COQ9: variants seen among roughly 807,000 people sequenced by gnomAD.
COQ9 encodes the protein coenzyme Q9.
Under a neutral mutation model 42.4 loss-of-function variants are expected in COQ9, and 35 were observed. That is an observed-to-expected ratio of 0.83 (90% CI 0.63 to 1.10). The LOEUF (loss-of-function observed/expected upper bound fraction) is 1.10. Ranked by LOEUF, COQ9 falls within the 50% of genes least tolerant of loss-of-function variation. COQ9 has a pLI of 0.00. For synonymous variants in COQ9, 155 were observed against 155.1 expected, an observed-to-expected ratio of 1.00 and a Z score of 0.00; for missense variants, 406 against 414.6, an observed-to-expected ratio of 0.98 and a Z score of 0.18.
At chr16:57,456,434 T>A in intron 3 of COQ9, 70 bp from the exon 4 acceptor site, 1 of 1,555,240 alleles carries the variant, frequency 6.4e-7, no homozygotes, top group Non-Finnish European at 8.9e-7. Flanking sequence ...GAGGCTCTAG[T>A]GATGAACAGG....
chr16:57,447,692 G>C, intron 1 of COQ9, 114 bp downstream of exon 1: 6 of 933,816 alleles, frequency 6.4e-6, no homozygotes, highest in Non-Finnish European at 8.4e-6. Flanking sequence ...CACGAGCAAG[G>C]TGAGGTGAAG....
chr16:57,456,280 T>G, intron 3 of COQ9: 1 of 564,478 alleles, frequency 1.8e-6, no homozygotes, highest in South Asian at 1.9e-5. Context: ...CCTGAGCTAG[T>G]CTCTGTGAAC....
Position 57,456,548 on chromosome 16 carries a change from T to C in COQ9, c.423T>C (p.Asp141=), listed in dbSNP as rs1033214475. The change falls in exon 4 of 9, where the codon GAT becomes GAC. Residue 141 remains aspartate (D), a synonymous_variant. Coordinates refer to ENST00000262507, the MANE Select transcript of COQ9 (RefSeq NM_020312.4). ...CAGCAGCCAGCATGTTCGGGAAGGA[T>C]GGCAGTGAGCTAATACTGCATTTTG... The part of the protein sequence containing the change: ...SSAAASMFGK[D]GSELILHFVT... 3.7e-6 allele frequency: 6 copies of C among 1,614,056 alleles called. No individual in the cohort carries two copies. The highest frequency in any genetic ancestry group is 1.7e-5 in the Admixed American group (1 of 60,004).
chr16:57,459,795 C>G, intron 7 of COQ9, 75 bp downstream of exon 7: 1 of 1,565,436 alleles, frequency 6.4e-7, no homozygotes, highest in South Asian at 1.1e-5. Flanking sequence ...GCTGGTCTTG[C>G]TCCCTTTTGG....
chr16:57,455,664 G>A (rs2030385654), intron 3 of COQ9, among the ~76,000 whole-genome samples: 1 of 152,024 alleles, frequency 6.6e-6, no homozygotes, highest in Non-Finnish European at 1.5e-5. Context: ...AACTGGAGTG[G>A]ATCGAGGTGT....
At chr16:57,458,180 A>G in intron 5 of COQ9, 66 bp from the exon 6 acceptor site, 1 of 1,166,474 alleles carries the variant, frequency 8.6e-7, no homozygotes, top group Admixed American at 2.0e-5. Context: ...TTGGAGAGGT[A>G]GATGCTGGTC....
rs1325969996 is a variant in COQ9, at chr16:57,458,344, C to A, written c.705C>A (p.Ser235=). ...TGTGGCATTACGCTGGGGACCAGTC[C>A]ACTGATGTGAGTGCTTTCTGCAGGC... ...DDMWHYAGDQ[S]TDFNWYTRRA... is the part of the protein sequence containing the mutation. Residue 235 remains serine, a synonymous_variant, in exon 6 of 9, where the codon TCC becomes TCA. Coordinates refer to ENST00000262507, the MANE Select transcript of COQ9 (RefSeq NM_020312.4). 1 of 1,609,334 alleles carries A rather than the reference C, an allele frequency of 6.2e-7. No individual in the cohort carries two copies.
chr16:57,452,755 A>C, intron 2 of COQ9, 46 bp from the exon 3 acceptor site: 1 of 1,611,678 alleles, frequency 6.2e-7, no homozygotes, highest in African/African-American at 1.3e-5. Context: ...TGCCCATTGT[A>C]CATGCCAGGA....
At position 57,452,546 on chromosome 16, in the gene COQ9, G is replaced by T. The variant is rs192310711; in HGVS notation, c.243-255G>T. ...AGTCTCATCGACTTAGGAGGCTGAG[G>T]CAGGAGACTTGCTTGAACCCGGGAG... On this transcript the variant is annotated intron_variant, in intron 2 of 8. Transcript: ENST00000262507. Among the ~76,000 whole-genome samples the T allele has an allele frequency of 2.9e-3, 442 of 152,290 alleles. No homozygotes were observed. Among genetic ancestry groups the T allele is most frequent in the African/African-American group, 0.01 (420 of 41,562 alleles).
chr16:57,460,651 T>G lies in COQ9; in HGVS notation c.*27T>G, dbSNP rs1355519465. 2 of 1,604,798 alleles carry G rather than the reference T, an allele frequency of 1.2e-6. No individual in the cohort carries two copies. The highest frequency in any genetic ancestry group is 8.5e-7 in the Non-Finnish European group (1 of 1,171,578). On this transcript the variant is annotated 3_prime_UTR_variant, in exon 9 of 9. Coordinates refer to ENST00000262507, the MANE Select transcript of COQ9 (RefSeq NM_020312.4). ...AGGAAGGGGTATAAGCTACAATGCC[T>G]AGAAGAGAATGAGCGGACAGATTGA...
chr16:57,461,076 C>A lies in COQ9; in HGVS notation c.*452C>A. On this transcript the variant is annotated 3_prime_UTR_variant, in exon 9 of 9. Transcript: ENST00000262507. The stretch of plus-strand genomic sequence containing the variant: ...CAGGCGTGTGCACACAGAGGTGTTC[C>A]TTGCAGCCCCCTCCCTCTCAGGTGT... 2.3e-6 allele frequency: 1 copy of A among 443,744 alleles called. No homozygotes were observed. Among genetic ancestry groups the A allele is most frequent in the South Asian group, 1.6e-5 (1 of 62,736 alleles). The allele number at this position is 443,744 out of a possible 1,614,324, so 27.5% of individuals were successfully genotyped here. A position where few individuals can be genotyped will look rare whatever the true frequency, so the allele number is the denominator to read the frequency against.
chr16:57,457,293 C>G (rs1356779039), intron 5 of COQ9: 1 of 514,140 alleles, frequency 1.9e-6, no homozygotes, highest in African/African-American at 1.9e-5. Flanking sequence ...GAGTGTGCCA[C>G]CAGGTCTGCA....
rs1733375297 is a variant in COQ9, at chr16:57,456,978, T to C, written c.569T>C (p.Leu190Pro). ...CTGAGGGATGCAGTGGAAACCAGAC[T>C]GAGAATGCTGATCCCATACATTGAG... The part of the protein sequence containing the change: ...QFLRDAVETR[L>P]RMLIPYIEHW... Residue 190 changes from leucine to proline, a missense_variant, in exon 5 of 9, where the codon CTG (leucine) becomes CCG (proline). Transcript: ENST00000262507. The C allele has an allele frequency of 6.2e-7, 1 of 1,614,124 alleles. No homozygotes were observed. Among genetic ancestry groups the C allele is most frequent in the Non-Finnish European group, 8.5e-7 (1 of 1,179,986 alleles).
Position 57,459,656 on chromosome 16 carries a change from A to G in COQ9, c.803A>G (p.Asp268Gly). 6.2e-7 allele frequency: 1 copy of G among 1,614,162 alleles called. No individual in the cohort carries two copies. Among genetic ancestry groups the G allele is most frequent in the East Asian group, 2.2e-5 (1 of 44,880 alleles). Residue 268 changes from aspartate to glycine, a missense_variant, in exon 7 of 9, where the codon GAC becomes GGC. Transcript: ENST00000262507. ...CAGGACTCCTCTCCAGACTTTGAGG[A>G]CACTTGGCGCTTCCTGGAAAACCGG... The part of the protein sequence containing the change: ...MMQDSSPDFE[D>G]TWRFLENRVN...
At chr16:57,451,308 T>C in intron 2 of COQ9, 100 bp downstream of exon 2, 1 of 1,310,668 alleles carries the variant, frequency 7.6e-7, no homozygotes, top group Non-Finnish European at 1.1e-6. Context: ...TGTACCTTCC[T>C]TCATTTCCAA....
chr16:57,453,590 GCATCTACC>G (rs1456196734), intron 3 of COQ9: 1 of 156,532 alleles, frequency 6.4e-6, no homozygotes, highest in African/African-American at 2.4e-5. Context: ...TTGCTGCAGG[GCATCTACC>G]CATGGACAAT....
Position 57,457,006 on chromosome 16 carries a change from C to T in COQ9, c.597C>T (p.His199=), listed in dbSNP as rs1459699595. 2 of 1,613,288 alleles carry T rather than the reference C, an allele frequency of 1.2e-6. No homozygotes were observed. Among genetic ancestry groups the T allele is most frequent in the Admixed American group, 1.7e-5 (1 of 60,020 alleles). ...GAATGCTGATCCCATACATTGAGCA[C>T]TGGCCCCGGGTACCAAGTCTATATC... is the stretch of plus-strand genomic sequence containing the variant. ...RLRMLIPYIE[H]WPRALSILML... is the part of the protein sequence containing the mutation. The change falls in exon 5 of 9, where the codon CAC becomes CAT. Residue 199 remains histidine (H), a synonymous_variant. Transcript: ENST00000262507.
intron 3 of COQ9, chr16:57,453,177 G>A (rs1598037318): frequency 5.3e-6 from 3 of 567,388 alleles, no homozygotes; most frequent in African/African-American, 3.8e-5. Flanking sequence ...GGCAAGAATT[G>A]TCTGTGATCA....
rs1192973132 is a variant in COQ9 at position 57,458,261 on chromosome 16, A to T, written c.622A>T (p.Met208Leu). The change falls in exon 6 of 9, where the codon ATG becomes TTG. Residue 208 changes from methionine to leucine, a missense_variant. Transcript: ENST00000262507. Reference protein sequence around the residue: ...EHWPRALSILMLPHNIPSSLS... With the variant: ...EHWPRALSILLLPHNIPSSLS... ...CTCTCTCCAGGCCCTCAGCATCCTC[A>T]TGCTCCCTCACAACATCCCGTCCAG... 1 of 1,610,798 alleles carries T rather than the reference A, an allele frequency of 6.2e-7. No individual in the cohort carries two copies. The highest frequency in any genetic ancestry group is 1.1e-5 in the South Asian group (1 of 90,198).
Sources: allele counts gnomAD v4.1 joint callset (sites outside exome capture counted in the v4.1 genomes callset), GRCh38; gene constraint gnomAD v4.1.1; transcripts MANE v1.5; gene names NCBI Gene and HGNC (gene_info 2026-07-23, HGNC 2026-07-21).